The following CAMTA1 variants were observed in gnomAD, a reference collection of about 807,000 sequenced individuals.
CAMTA1 encodes the protein calmodulin binding transcription activator 1.
In CAMTA1, 27 loss-of-function variants were observed where a neutral mutation model predicts 170.9. The observed-to-expected ratio is 0.16, with a 90% confidence interval of 0.12 to 0.22. The LOEUF is 0.22. Among genes scored for constraint, CAMTA1 ranks in the 10% least tolerant of loss-of-function variants. The probability of loss-of-function intolerance (pLI) is 1.00; values close to 1 mark genes in which losing one functional copy is unlikely to be tolerated. For synonymous variants in CAMTA1, 833 were observed against 891.5 expected, an observed-to-expected ratio of 0.93 and a Z score of 1.17; for missense variants, 1,619 against 2,217.2, an observed-to-expected ratio of 0.73 and a Z score of 5.42.
chr1:7,261,286 G>A (rs1431756574), intron 5 of CAMTA1, among the ~76,000 whole-genome samples: 1 of 152,066 alleles, frequency 6.6e-6, no homozygotes, highest in Non-Finnish European at 1.5e-5. Flanking sequence ...TCGTTCTTTA[G>A]TCTCCATGGT....
chr1:6,902,974 T>C (rs1482174268), intron 3 of CAMTA1, among the ~76,000 whole-genome samples: 1 of 152,222 alleles, frequency 6.6e-6, no homozygotes, highest in African/African-American at 2.4e-5. Context: ...GTATTTACTT[T>C]AGGAAAATGA....
rs376459155 is a variant in CAMTA1, at chr1:7,513,990, GA to G, written c.510+46090del. On this transcript the variant is annotated intron_variant, in intron 6 of 22. Transcript: ENST00000303635. ...ACACACACAAACACCAGTTACACTGGATCAGGGCCCACCCTACTCCAATGAC... is the reference window on the plus strand; with the variant it reads ...ACACACACAAACACCAGTTACACTGGTCAGGGCCCACCCTACTCCAATGAC... 4.6e-5 allele frequency among the ~76,000 whole-genome samples: 7 copies of G among 152,130 alleles called. No individual in the cohort carries two copies. The East Asian group carries it at 1.4e-3, about 29-fold the overall frequency.
rs1022034469 is a variant in CAMTA1, at chr1:7,592,615, C to T, written c.511-47785C>T. ...CTGTCCTGCAAGCCACCTACCAGTG[C>T]GGAATGAGTGGGGAGTGTCCAGGCG... On this transcript the variant is annotated intron_variant, in intron 6 of 22. Coordinates refer to ENST00000303635, the MANE Select transcript of CAMTA1 (RefSeq NM_015215.4). The surrounding 1 kb of genome is among the most constrained non-coding windows in gnomAD (Gnocchi z 4.6). 7.2e-5 allele frequency among the ~76,000 whole-genome samples: 11 copies of T among 152,134 alleles called. No homozygotes were observed. The highest frequency in any genetic ancestry group is 2.6e-4 in the Admixed American group (4 of 15,280).
intron 5 of CAMTA1, among the ~76,000 whole-genome samples, chr1:7,356,943 C>T (rs2085160124): frequency 6.6e-6 from 1 of 152,194 alleles, no homozygotes; most frequent in South Asian, 2.1e-4. Flanking sequence ...TGGTTCATGT[C>T]AGCTGCTGCT....
chr1:6,807,161 G>A, intron 1 of CAMTA1: 1 of 452,132 alleles, frequency 2.2e-6, no homozygotes, highest in Non-Finnish European at 4.0e-6. Flanking sequence ...AGCTCTGGAG[G>A]AAAATGGGAA....
intron 3 of CAMTA1, among the ~76,000 whole-genome samples, chr1:6,903,046 G>T (rs1415659622): frequency 6.6e-6 from 1 of 152,104 alleles, no homozygotes; most frequent in Non-Finnish European, 1.5e-5. Flanking sequence ...AATAGAAACA[G>T]CCCAAATATC....
rs2095979942 is a variant in CAMTA1, at chr1:7,663,672, C to T, written c.1125C>T (p.Ser375=). 6.2e-7 allele frequency: 1 copy of T among 1,614,140 alleles called. No homozygotes were observed. The highest frequency in any genetic ancestry group is 2.2e-5 in the East Asian group (1 of 44,884). ...ACAGCGACCCGGACATGGTGGACAG[C>T]CCGGTGGTCACAGGTGTGTCCGGTA... ...GLNSDPDMVD[S]PVVTGVSGMA... is the part of the protein sequence containing the mutation. The change falls in exon 9 of 23, where the codon AGC becomes AGT. Residue 375 remains serine, a synonymous_variant. Coordinates refer to ENST00000303635, the MANE Select transcript of CAMTA1 (RefSeq NM_015215.4).
chr1:7,332,947 G>A (rs1448384375), intron 5 of CAMTA1, among the ~76,000 whole-genome samples: 4 of 152,216 alleles, frequency 2.6e-5, no homozygotes, highest in African/African-American at 4.8e-5. Flanking sequence ...GTTCACAGTG[G>A]ACTCATGGCC....
chr1:7,456,487 ACTGATACATTGAAATAGG>A lies in CAMTA1; in HGVS notation c.439-11340_439-11323del, dbSNP rs1181253750. On this transcript the variant is annotated intron_variant, in intron 5 of 22. Transcript: ENST00000303635. This position sits in a 1 kb window ranked among gnomAD's most constrained non-coding sequence, Gnocchi z 4.9. ...AGGAAGTATTTGAGATAGCAACAGC[ACTGATACATTGAAATAGG>A]CTAAAAGAACAAGAGCCAGTGGGTG... Among the ~76,000 whole-genome samples the A allele has an allele frequency of 6.6e-6, 1 of 152,220 alleles. No homozygotes were observed. The highest frequency in any genetic ancestry group is 2.4e-5 in the African/African-American group (1 of 41,446).
chr1:7,633,439 G>A lies in CAMTA1; in HGVS notation c.511-6961G>A, dbSNP rs2095686119. On this transcript the variant is annotated intron_variant, in intron 6 of 22. Coordinates refer to ENST00000303635, the MANE Select transcript of CAMTA1 (RefSeq NM_015215.4). The surrounding 1 kb of genome is among the most constrained non-coding windows in gnomAD (Gnocchi z 4.1). ...GCCACCCCTCCTGGGCCCCTTCTGG[G>A]GGAGTGGACCCCCTCCTCTTCCAGC... Among the ~76,000 whole-genome samples the A allele has an allele frequency of 6.6e-6, 1 of 152,162 alleles. No individual in the cohort carries two copies. Among genetic ancestry groups the A allele is most frequent in the Non-Finnish European group, 1.5e-5 (1 of 68,022 alleles).
At chr1:7,317,994 G>A (rs1007909153) in intron 5 of CAMTA1, among the ~76,000 whole-genome samples, 1 of 152,226 alleles carries the variant, frequency 6.6e-6, no homozygotes, top group Non-Finnish European at 1.5e-5. Context: ...TGATGGCTCA[G>A]GTGCCTTCCC....
intron 5 of CAMTA1, among the ~76,000 whole-genome samples, chr1:7,390,490 T>C (rs898875651): frequency 2.6e-5 from 4 of 152,172 alleles, no homozygotes; most frequent in Non-Finnish European, 5.9e-5. Flanking sequence ...CGGCCCAGGA[T>C]TGGCCCTGCT....
chr1:7,483,247 G>A (rs897103366), intron 6 of CAMTA1, among the ~76,000 whole-genome samples: 1 of 152,238 alleles, frequency 6.6e-6, no homozygotes, highest in Non-Finnish European at 1.5e-5. Flanking sequence ...GAGGAAGAGA[G>A]CTCAGGGAGG....
chr1:7,517,962 G>A (rs1189276783), intron 6 of CAMTA1, among the ~76,000 whole-genome samples: 1 of 151,926 alleles, frequency 6.6e-6, no homozygotes, highest in Admixed American at 6.5e-5. Flanking sequence ...CTGAGCCTGG[G>A]CAATTGACTG....
chr1:7,551,326 G>A (rs1013175860), intron 6 of CAMTA1, among the ~76,000 whole-genome samples: 2 of 152,164 alleles, frequency 1.3e-5, no homozygotes, highest in African/African-American at 4.8e-5. Context: ...ATGTGTGTGT[G>A]TGCACATGTA....
intron 6 of CAMTA1, among the ~76,000 whole-genome samples, chr1:7,480,455 TC>T (rs1392007888): frequency 1.3e-5 from 2 of 151,760 alleles, no homozygotes; most frequent in African/African-American, 4.8e-5. Context: ...CGCCCCTAGT[TC>T]CCCTCTCCTC....
At chr1:7,523,722 C>CAAA (rs70984089) in intron 6 of CAMTA1, among the ~76,000 whole-genome samples, 134 of 146,810 alleles carry the variant, frequency 9.1e-4, no homozygotes, top group African/African-American at 3.2e-3. Flanking sequence ...ACTAAATATA[C>CAAA]AAAAAAAAAA....
In CAMTA1 at chr1:6,789,804, CTT is replaced by C. The variant is rs34542033; in HGVS notation, c.45+4252_45+4253del. On this transcript the variant is annotated intron_variant, in intron 1 of 22. Transcript: ENST00000303635. ...TTATATTAATGACATTTTAGTGTAT[CTT>C]TTTTTTTTTTTTTTTTTTTTTTGAG... Among the ~76,000 whole-genome samples the C allele has an allele frequency of 6.8e-3, 586 of 85,618 alleles. 5 individuals carry two copies. The highest frequency in any genetic ancestry group is 0.028 in the African/African-American group (534 of 19,146). The allele number at this position is 85,618 out of a possible 152,430, so 56.2% of individuals were successfully genotyped here. A position where few individuals can be genotyped will look rare whatever the true frequency, so the allele number is the denominator to read the frequency against.
chr1:7,095,044 AC>A (rs1458220935), intron 4 of CAMTA1, among the ~76,000 whole-genome samples: 1 of 148,588 alleles, frequency 6.7e-6, no homozygotes, highest in Non-Finnish European at 1.5e-5. Flanking sequence ...GTTTAGTCTC[AC>A]CCCCACCCCC....
Sources: allele counts gnomAD v4.1 joint callset (sites outside exome capture counted in the v4.1 genomes callset), GRCh38; gene constraint gnomAD v4.1.1; non-coding constraint Gnocchi (gnomAD v3.1); transcripts MANE v1.5; gene names NCBI Gene and HGNC (gene_info 2026-07-23, HGNC 2026-07-21).